The following DENND2A variants were observed in gnomAD, a reference collection of about 807,000 sequenced individuals.
The protein encoded by DENND2A is DENN domain containing 2A, also known as DENN domain-containing protein 2A.
DENND2A carries 53 observed loss-of-function variants against 105.3 expected under a neutral mutation model. That is an observed-to-expected ratio of 0.50 (90% CI 0.40 to 0.63). The LOEUF is 0.63. Ranked by LOEUF, DENND2A falls within the 30% of genes least tolerant of loss-of-function variation. The probability of loss-of-function intolerance (pLI) is 0.00; values close to 1 mark genes in which losing one functional copy is unlikely to be tolerated. For missense variants in DENND2A, 1,138 were observed against 1,279.6 expected (o/e 0.89, Z 1.69); for synonymous variants, 522 against 508.4 (o/e 1.03, Z -0.36).
At chr7:140,541,805 G>A (rs1344355438) in intron 14 of DENND2A, among the ~76,000 whole-genome samples, 1 of 152,144 alleles carries the variant, frequency 6.6e-6, no homozygotes, top group African/African-American at 2.4e-5. Flanking sequence ...AGTGCATAGC[G>A]AACTAAAACA....
At chr7:140,544,130 G>A (rs895714214) in intron 14 of DENND2A, 2 of 207,372 alleles carry the variant, frequency 9.6e-6, no homozygotes, top group Admixed American at 5.1e-5. Context: ...GACCTCAGGT[G>A]ATCCGCCTGC....
chr7:140,542,424 G>A (rs1796700791), intron 14 of DENND2A, among the ~76,000 whole-genome samples: 1 of 152,202 alleles, frequency 6.6e-6, no homozygotes, highest in East Asian at 1.9e-4. Flanking sequence ...ATGCCCTCAC[G>A]ATGGTCTGTC....
At chr7:140,621,732 G>A (rs907568092) in intron 1 of DENND2A, among the ~76,000 whole-genome samples, 1 of 152,130 alleles carries the variant, frequency 6.6e-6, no homozygotes, top group Non-Finnish European at 1.5e-5. Context: ...TTCTCATACA[G>A]GAAATAAGAT....
chr7:140,624,091 A>C (rs1487904682), intron 1 of DENND2A, among the ~76,000 whole-genome samples: 1 of 152,204 alleles, frequency 6.6e-6, no homozygotes. Flanking sequence ...CTGAGCTGAC[A>C]GGAGGAATGG....
At chr7:140,587,822 T>C (rs377656523) in intron 3 of DENND2A, 42 bp from the exon 4 acceptor site, 21 of 1,516,966 alleles carry the variant, frequency 1.4e-5, no homozygotes, top group Middle Eastern at 1.9e-4. Flanking sequence ...AGAATTTGAA[T>C]CAAATTAGGC....
intron 11 of DENND2A, 43 bp from the exon 12 acceptor site, chr7:140,555,756 C>CT: frequency 6.5e-7 from 1 of 1,537,716 alleles, no homozygotes; most frequent in Non-Finnish European, 8.8e-7. Flanking sequence ...TGTTGACAAC[C>CT]TCAGGGAAGA....
chr7:140,535,643 G>A (rs186476604), intron 14 of DENND2A, among the ~76,000 whole-genome samples: 8 of 151,480 alleles, frequency 5.3e-5, no homozygotes, highest in Middle Eastern at 3.4e-3. Context: ...GTGCAATGGC[G>A]TCGTCTCAGC....
In DENND2A at chr7:140,587,972, G is replaced by A. The variant is rs149427478; in HGVS notation, c.996-192C>T. ...GTTGCCCAGGCTGGAGGGCAGCGGC[G>A]CCATCTTGGCTCACTGCAACCTGCG... is the stretch of plus-strand genomic sequence containing the variant. On this transcript the variant is annotated intron_variant, in intron 3 of 19. Coordinates refer to ENST00000496613, the MANE Select transcript of DENND2A (RefSeq NM_015689.5). Among the ~76,000 whole-genome samples, 249 of 152,262 alleles carry A rather than the reference G, an allele frequency of 1.6e-3. 1 individual carries two copies. The Middle Eastern group carries it at 0.024, about 15-fold the overall frequency.
chr7:140,630,615 C>T (rs992493427), intron 1 of DENND2A, among the ~76,000 whole-genome samples: 4 of 151,986 alleles, frequency 2.6e-5, no homozygotes, highest in African/African-American at 4.8e-5. Context: ...GAAGCCAAGG[C>T]GGGCGGATCA....
intron 13 of DENND2A, among the ~76,000 whole-genome samples, chr7:140,545,260 G>A (rs1163235700): frequency 1.3e-5 from 2 of 152,270 alleles, no homozygotes; most frequent in Middle Eastern, 3.4e-3. Context: ...TCGGAGACTC[G>A]CTGCCACCTC....
chr7:140,567,056 C>G, intron 9 of DENND2A, 30 bp downstream of exon 9: 1 of 1,532,582 alleles, frequency 6.5e-7, no homozygotes, highest in East Asian at 2.4e-5. Flanking sequence ...AGAACCCTGG[C>G]AGGCCACAGG....
Position 140,567,296 on chromosome 7 carries a change from AAGAGAGAAAGAGAGAGAGAGAG to A in DENND2A, c.1592-45_1592-24del, listed in dbSNP as rs1193272332. On this transcript the variant is annotated intron_variant, in intron 8 of 19. Coordinates refer to ENST00000496613, the MANE Select transcript of DENND2A (RefSeq NM_015689.5). ...GAGCTGGGTGAGGGAGGGAGAGAGA[AAGAGAGAAAGAGAGAGAGAGAG>A]AGAGAGAGAGAGAGAGAGAGAGAGA... 165 of 831,432 alleles carry A rather than the reference AAGAGAGAAAGAGAGAGAGAGAG, an allele frequency of 2.0e-4. No homozygotes were observed. The Middle Eastern group carries it at 2.4e-3, about 12-fold the overall frequency. The allele number at this position is 831,432 out of a possible 1,614,324, so 51.5% of individuals were successfully genotyped here.
chr7:140,598,450 G>A (rs1296212263), intron 3 of DENND2A, among the ~76,000 whole-genome samples: 2 of 152,262 alleles, frequency 1.3e-5, no homozygotes, highest in Admixed American at 6.5e-5. Flanking sequence ...AACACTGTTC[G>A]GAAGTCTCAG....
At chr7:140,639,720 C>A (rs893688875) in intron 1 of DENND2A, among the ~76,000 whole-genome samples, 7 of 152,226 alleles carry the variant, frequency 4.6e-5, no homozygotes, top group Non-Finnish European at 8.8e-5. Context: ...ATTCCTGAAT[C>A]GCATCTGAAC....
Position 140,544,566 on chromosome 7 carries a change from CCAAGAGCGACTGTCATT to C in DENND2A, c.2327+35_2327+51del, listed in dbSNP as rs764624684. On this transcript the variant is annotated intron_variant, in intron 14 of 19. Transcript: ENST00000496613. ...TCACCTGCTCTACAGACTAGAGGGTCCAAGAGCGACTGTCATTCAAACGCTTTAGCAGAAGTAGCCAA... is the reference window on the plus strand; with the variant it reads ...TCACCTGCTCTACAGACTAGAGGGTCCAAACGCTTTAGCAGAAGTAGCCAA... 98 of 1,611,854 alleles carry C rather than the reference CCAAGAGCGACTGTCATT, an allele frequency of 6.1e-5. 1 individual carries two copies. In the Middle Eastern group the frequency reaches 8.2e-4, roughly 14 times the overall value.
intron 6 of DENND2A, among the ~76,000 whole-genome samples, chr7:140,571,686 T>C (rs1410589901): frequency 2.6e-5 from 4 of 152,160 alleles, no homozygotes; most frequent in African/African-American, 9.7e-5. Flanking sequence ...AAATGTGGTA[T>C]ATACATACGA....
chr7:140,605,864 G>A (rs1281654840), intron 1 of DENND2A, 58 bp from the exon 2 acceptor site: 2 of 152,214 alleles, frequency 1.3e-5, no homozygotes, highest in Non-Finnish European at 2.9e-5. Context: ...CCCTCAGAGG[G>A]GAGCAAATCT....
intron 6 of DENND2A, among the ~76,000 whole-genome samples, chr7:140,573,173 C>T (rs74941501): frequency 0.033 from 5,051 of 152,244 alleles, 302 homozygotes; most frequent in African/African-American, 0.12. Context: ...ATGCATTTCT[C>T]CTGTTAATCT....
intron 1 of DENND2A, among the ~76,000 whole-genome samples, chr7:140,633,739 A>C (rs1465997407): frequency 2.0e-5 from 3 of 152,114 alleles, no homozygotes; most frequent in Non-Finnish European, 4.4e-5. Flanking sequence ...ACACGAAACC[A>C]ACAGCAAGAG....
Sources: allele counts gnomAD v4.1 joint callset (sites outside exome capture counted in the v4.1 genomes callset), GRCh38; gene constraint gnomAD v4.1.1; transcripts MANE v1.5; gene names NCBI Gene and HGNC (gene_info 2026-07-23, HGNC 2026-07-21).